The following ZNF711 variants were observed in gnomAD, a reference collection of about 807,000 sequenced individuals.
The protein encoded by ZNF711 is ZFX family zinc finger ZNF711, also known as zinc finger protein 711.
In ZNF711, 3 loss-of-function variants were observed where a neutral mutation model predicts 43.5. The ratio of observed to expected loss-of-function variants is 0.07; its 90% CI spans 0.03 to 0.18. ZNF711 has a LOEUF of 0.18. ZNF711 is among the 10% of genes least tolerant of loss of function. The probability of loss-of-function intolerance (pLI) is 1.00; values close to 1 mark genes in which losing one functional copy is unlikely to be tolerated. For synonymous variants in ZNF711, 209 were observed against 207.7 expected, an observed-to-expected ratio of 1.01 and a Z score of -0.06; for missense variants, 412 against 604.0, an observed-to-expected ratio of 0.68 and a Z score of 3.33.
chrX:85,260,975 G>A (rs950036167), intron 5 of ZNF711, among the ~76,000 whole-genome samples: 2 of 111,332 alleles, frequency 1.8e-5, no homozygotes, highest in Non-Finnish European at 3.8e-5. Context: ...TTACAATAAA[G>A]TAAACTGGAG....
At chrX:85,246,342 A>G (rs1487825074) in intron 2 of ZNF711, among the ~76,000 whole-genome samples, 1 of 112,307 alleles carries the variant, frequency 8.9e-6, no homozygotes. Context: ...GTTTGCTCAT[A>G]CATAAAGTAA....
chrX:85,260,204 T>G, intron 5 of ZNF711, among the ~76,000 whole-genome samples: 1 of 111,407 alleles, frequency 9.0e-6, no homozygotes, highest in East Asian at 2.8e-4. Flanking sequence ...TTTATTGATA[T>G]GCATATGTTG....
Position 85,271,985 on chromosome X carries a change from G to A in ZNF711, c.*157G>A. On this transcript the variant is annotated 3_prime_UTR_variant, in exon 11 of 11. Coordinates refer to ENST00000674551, the MANE Select transcript of ZNF711 (RefSeq NM_001330574.2). ...TCTTAAAATATTTGAATTCACAGGG[G>A]ATCCCATAGCCCTTTGAAAATTACT... 2.1e-6 allele frequency: 1 copy of A among 480,995 alleles called. No individual in the cohort carries two copies. The highest frequency in any genetic ancestry group is 3.5e-6 in the Non-Finnish European group (1 of 283,161). 39.6% of individuals were successfully genotyped at this position (480,995 alleles called of 1,213,427 possible). A position where few individuals can be genotyped will look rare whatever the true frequency, so the allele number is the denominator to read the frequency against.
chrX:85,249,510 T>A (rs1267956557), intron 4 of ZNF711, among the ~76,000 whole-genome samples: 1 of 111,270 alleles, frequency 9.0e-6, no homozygotes, highest in African/African-American at 3.3e-5. Flanking sequence ...GAAAAAAAAA[T>A]CTGATTGGTG....
rs183559795 is a variant in ZNF711, at chrX:85,261,317, G to A, written c.623-2958G>A. Among the ~76,000 whole-genome samples the A allele has an allele frequency of 4.0e-4, 45 of 111,186 alleles. No individual in the cohort carries two copies. The East Asian group carries it at 0.011, about 27-fold the overall frequency. On this transcript the variant is annotated intron_variant, in intron 5 of 10. Transcript: ENST00000674551. ...GACATTTAGGTTGTTTCCACTTTTTGGCTATTATGAATAATGCTCCATGAA... is the reference window on the plus strand; with the variant it reads ...GACATTTAGGTTGTTTCCACTTTTTAGCTATTATGAATAATGCTCCATGAA...
At position 85,266,662 on chromosome X, in the gene ZNF711, A is replaced by AT. The variant is rs1009165049; in HGVS notation, c.917-606dup. 3.5e-3 allele frequency among the ~76,000 whole-genome samples: 378 copies of AT among 106,564 alleles called. 5 individuals carry two copies. Among genetic ancestry groups the AT allele is most frequent in the Admixed American group, 0.019 (183 of 9,847 alleles). 92.5% of individuals were successfully genotyped at this position (106,564 alleles called of 115,157 possible). On this transcript the variant is annotated intron_variant, in intron 7 of 10. Transcript: ENST00000674551. ...ATATTGTGGCTCTCTAGGTTTAAAT[A>AT]TTTTTTTTTTCTTACCGCAATATTG...
intron 5 of ZNF711, 90 bp downstream of exon 5, chrX:85,255,891 A>G (rs978579360): frequency 3.4e-6 from 3 of 884,067 alleles, no homozygotes; most frequent in Non-Finnish European, 3.1e-6. Flanking sequence ...ATTCAATAAA[A>G]GTTATAGGGG....
chrX:85,252,880 A>G (rs946548368), intron 4 of ZNF711, among the ~76,000 whole-genome samples: 1 of 111,666 alleles, frequency 9.0e-6, no homozygotes, highest in East Asian at 2.8e-4. Context: ...TTGTTCTTTG[A>G]TGTGTTAGTG....
chrX:85,252,781 T>C (rs1602960471), intron 4 of ZNF711, among the ~76,000 whole-genome samples: 1 of 97,972 alleles, frequency 1.0e-5, no homozygotes, highest in East Asian at 3.1e-4. Flanking sequence ...GTGGTTTGGG[T>C]GAGAGTTTGA....
intron 4 of ZNF711, 111 bp from the exon 5 acceptor site, chrX:85,255,148 G>T: frequency 1.3e-6 from 1 of 742,881 alleles, no homozygotes; most frequent in Non-Finnish European, 2.0e-6. Context: ...GATTTATTTG[G>T]CCAAGATTAC....
intron 5 of ZNF711, among the ~76,000 whole-genome samples, chrX:85,257,348 A>G (rs1332060203): frequency 2.7e-5 from 3 of 110,424 alleles, no homozygotes; most frequent in African/African-American, 3.3e-5. Flanking sequence ...GTAATCCCCA[A>G]TGTCTGTTGT....
At chrX:85,254,928 C>G (rs1929984299) in intron 4 of ZNF711, among the ~76,000 whole-genome samples, 1 of 111,921 alleles carries the variant, frequency 8.9e-6, no homozygotes, top group Non-Finnish European at 1.9e-5. Flanking sequence ...CCTCACCAGC[C>G]TATGGTGCTA....
chrX:85,267,557 A>G (rs1931190508), intron 8 of ZNF711, 142 bp downstream of exon 8: 2 of 414,466 alleles, frequency 4.8e-6, no homozygotes, highest in Non-Finnish European at 7.3e-6. Flanking sequence ...ATTCATCTCT[A>G]GTTACTTTAG....
chrX:85,264,555 T>A, intron 6 of ZNF711, 125 bp downstream of exon 6: 1 of 615,153 alleles, frequency 1.6e-6, no homozygotes, highest in Non-Finnish European at 2.4e-6. Flanking sequence ...GGGAATAGTC[T>A]ACTTTTAAAA....
intron 5 of ZNF711, among the ~76,000 whole-genome samples, chrX:85,260,609 C>G (rs938492827): frequency 2.1e-5 from 2 of 96,376 alleles, no homozygotes; most frequent in South Asian, 4.7e-4. Context: ...CTGTTAGCCC[C>G]CCCCCCATCC....
chrX:85,260,610 C>A (rs1055783884), intron 5 of ZNF711, among the ~76,000 whole-genome samples: 10 of 96,508 alleles, frequency 1.0e-4, no homozygotes, highest in Admixed American at 6.4e-4. Flanking sequence ...TGTTAGCCCC[C>A]CCCCCATCCA....
In ZNF711 at chrX:85,255,933, T is replaced by C. The variant is rs762832328; in HGVS notation, c.622+132T>C. On this transcript the variant is annotated intron_variant, in intron 5 of 10. Transcript: ENST00000674551. Reference sequence around the variant, plus strand: ...TTTGAAAAATAATTTTTTGAAGCAGTGTCATTAAGATGCTGTTTTGAGTTT... The same window carrying C: ...TTTGAAAAATAATTTTTTGAAGCAGCGTCATTAAGATGCTGTTTTGAGTTT... 7.5e-5 allele frequency: 45 copies of C among 602,073 alleles called. No individual in the cohort carries two copies. In the East Asian group the frequency reaches 1.6e-3, roughly 21 times the overall value. 49.6% of individuals were successfully genotyped at this position (602,073 alleles called of 1,213,427 possible).
intron 5 of ZNF711, among the ~76,000 whole-genome samples, chrX:85,261,773 T>G (rs1354615224): frequency 9.0e-6 from 1 of 111,255 alleles, no homozygotes; most frequent in East Asian, 2.8e-4. Context: ...CTGTGGTGGT[T>G]ATTTTATTAC....
At chrX:85,268,475 T>A in intron 9 of ZNF711, 134 bp downstream of exon 9, 2 of 686,090 alleles carry the variant, frequency 2.9e-6, no homozygotes, top group South Asian at 2.8e-5. Context: ...CTAATCTAGT[T>A]AGTTAGGAGT....
Sources: gnomAD v4.1 joint callset for allele counts (sites outside exome capture counted in the v4.1 genomes callset) on GRCh38, gnomAD v4.1.1 for gene constraint, MANE v1.5 for transcripts, NCBI Gene and HGNC (gene_info 2026-07-23, HGNC 2026-07-21) for gene names.